Variants in IKZF3 observed in about 807,000 individuals in gnomAD.
IKZF3 encodes the protein IKAROS family zinc finger 3.
Under a neutral mutation model 49.0 loss-of-function variants are expected in IKZF3, and 10 were observed. That is an observed-to-expected ratio of 0.20 (90% confidence interval 0.13 to 0.35). The LOEUF (loss-of-function observed/expected upper bound fraction) is 0.35, where lower values mean the gene tolerates loss of function less well. Among genes scored for constraint, IKZF3 ranks in the 10% least tolerant of loss-of-function variants. IKZF3 has a pLI of 1.00. For synonymous variants in IKZF3, 209 were observed against 228.2 expected, an observed-to-expected ratio of 0.92 and a Z score of 0.76; for missense variants, 498 against 664.8, an observed-to-expected ratio of 0.75 and a Z score of 2.76.
intron 3 of IKZF3, among the ~76,000 whole-genome samples, chr17:39,796,704 C>T (rs2061172190): frequency 6.6e-6 from 1 of 151,264 alleles, no homozygotes; most frequent in Non-Finnish European, 1.5e-5. Context: ...CCACACCTGG[C>T]TATTTTTTTA....
chr17:39,844,698 C>T (rs905002269), intron 1 of IKZF3, among the ~76,000 whole-genome samples: 7 of 151,996 alleles, frequency 4.6e-5, no homozygotes, highest in Non-Finnish European at 2.9e-5. Context: ...TCTCGGTTCA[C>T]GGCAACCTCC....
Position 39,792,849 on chromosome 17 carries a change from G to A in IKZF3, c.248C>T (p.Pro83Leu), listed in dbSNP as rs867820833. The change falls in exon 4 of 8, where the codon CCT becomes CTT. Residue 83 changes from proline to leucine, a missense_variant. By Grantham distance (98) the Pro-to-Leu change is moderately conservative (BLOSUM62 -3). Around this residue, in one of 3 missense-constraint regions of IKZF3, gnomAD observed 97 missense variants for 98.9 expected, o/e 0.98. Transcript: ENST00000346872. ...KSEPMGNAEE[P>L]EIPYSYSREY... ...TCTTGAATAGCTGTAAGGGATTTCA[G>A]GCTCTTCTGCATTTCCCATGGGTTC... 6.2e-7 allele frequency: 1 copy of A among 1,613,930 alleles called. No homozygotes were observed. The highest frequency in any genetic ancestry group is 1.1e-5 in the South Asian group (1 of 91,070).
At chr17:39,835,421 C>A in intron 1 of IKZF3, 1 of 469,650 alleles carries the variant, frequency 2.1e-6, no homozygotes, top group Non-Finnish European at 4.2e-6. Context: ...TCCAGGGAAG[C>A]CCTCTGGCCT....
chr17:39,863,824 T>A (rs1050725447), intron 1 of IKZF3, among the ~76,000 whole-genome samples: 10 of 152,090 alleles, frequency 6.6e-5, no homozygotes, highest in African/African-American at 2.4e-4. Flanking sequence ...TTGCAGCCAT[T>A]TCAGGGACAC....
intron 7 of IKZF3, among the ~76,000 whole-genome samples, chr17:39,774,572 T>A (rs2060531220): frequency 6.6e-6 from 1 of 152,200 alleles, no homozygotes; most frequent in African/African-American, 2.4e-5. Flanking sequence ...TCACAAAGGT[T>A]GATTCAATTA....
At chr17:39,793,110 C>A (rs1190732115) in intron 3 of IKZF3, among the ~76,000 whole-genome samples, 177 bp from the exon 4 acceptor site, 1 of 152,176 alleles carries the variant, frequency 6.6e-6, no homozygotes, top group Non-Finnish European at 1.5e-5. Context: ...AAATTCAGAA[C>A]CACAGTCAGA....
At chr17:39,802,992 T>A (rs2061356711) in intron 3 of IKZF3, among the ~76,000 whole-genome samples, 1 of 152,194 alleles carries the variant, frequency 6.6e-6, no homozygotes, top group Non-Finnish European at 1.5e-5. Context: ...TTCATGGGCA[T>A]AATAATAAAA....
chr17:39,826,106 G>T (rs148312484), intron 3 of IKZF3, among the ~76,000 whole-genome samples: 12 of 152,234 alleles, frequency 7.9e-5, no homozygotes, highest in Non-Finnish European at 1.6e-4. Flanking sequence ...GCAGTGACAC[G>T]ATCAGGGTTC....
At chr17:39,845,007 T>C (rs2082045563) in intron 1 of IKZF3, among the ~76,000 whole-genome samples, 1 of 152,186 alleles carries the variant, frequency 6.6e-6, no homozygotes, top group Admixed American at 6.5e-5. Context: ...CTGCTCATGA[T>C]GGACACTGAA....
Position 39,850,815 on chromosome 17 carries a change from CATATATAATATGCTATATAGTATATATA to C in IKZF3, c.7+13277_7+13304del, listed in dbSNP as rs1277192451. On this transcript the variant is annotated intron_variant, in intron 1 of 7. Coordinates refer to ENST00000346872, the MANE Select transcript of IKZF3 (RefSeq NM_012481.5). ...TCTAATATGCTATATAGTATATATA[CATATATAATATGCTATATAGTATATATA>C]ATATATAATATGCTCTATAGTATAT... Among the ~76,000 whole-genome samples the C allele has an allele frequency of 6.2e-3, 620 of 100,752 alleles. 7 individuals are homozygous for C. The highest frequency in any genetic ancestry group is 0.02 in the African/African-American group (549 of 27,100). 66.1% of individuals were successfully genotyped at this position (100,752 alleles called of 152,430 possible). A position where few individuals can be genotyped will look rare whatever the true frequency, so the allele number is the denominator to read the frequency against.
chr17:39,774,136 C>T (rs1220379672), intron 7 of IKZF3, among the ~76,000 whole-genome samples: 6 of 152,100 alleles, frequency 3.9e-5, no homozygotes, highest in Admixed American at 1.3e-4. Flanking sequence ...ATCGCCAGCC[C>T]GCCTGAGATA....
At chr17:39,779,755 C>G (rs1314369747) in intron 6 of IKZF3, among the ~76,000 whole-genome samples, 1 of 151,634 alleles carries the variant, frequency 6.6e-6, no homozygotes, top group Non-Finnish European at 1.5e-5. Context: ...TTTGCCCTCA[C>G]CTGCCCTGGG....
At chr17:39,805,275 T>C (rs905466268) in intron 3 of IKZF3, among the ~76,000 whole-genome samples, 2 of 152,236 alleles carry the variant, frequency 1.3e-5, no homozygotes, top group Non-Finnish European at 1.5e-5. Context: ...TACTATTATT[T>C]GCTTCAAGTA....
chr17:39,792,890 C>A lies in IKZF3; in HGVS notation c.207G>T (p.Glu69Asp). The A allele has an allele frequency of 6.2e-6, 10 of 1,613,988 alleles. 2 individuals are homozygous for A. Among genetic ancestry groups the A allele is most frequent in the Non-Finnish European group, 6.8e-6 (8 of 1,179,918 alleles). ...CCATGGGTTCTGACTTTAAAACATT[C>A]TCATCTCTTTCACTGTATTCATCTT... is the stretch of plus-strand genomic sequence containing the variant. Reference protein sequence around the residue: ...KVKDEYSERDENVLKSEPMGN... With the variant: ...KVKDEYSERDDNVLKSEPMGN... The change falls in exon 4 of 8, where the codon GAG (glutamate) becomes GAT (aspartate). Residue 69 changes from glutamate to aspartate, a missense_variant. By Grantham distance (45) the Glu-to-Asp change is conservative. Coordinates refer to ENST00000346872, the MANE Select transcript of IKZF3 (RefSeq NM_012481.5).
intron 7 of IKZF3, among the ~76,000 whole-genome samples, chr17:39,770,195 A>G (rs1428362132): frequency 1.3e-5 from 2 of 152,286 alleles, no homozygotes; most frequent in South Asian, 2.1e-4. Context: ...TTAGTAACAC[A>G]CTCATAAAAA....
chr17:39,805,831 G>A (rs1164923352), intron 3 of IKZF3, among the ~76,000 whole-genome samples: 2 of 152,208 alleles, frequency 1.3e-5, no homozygotes, highest in African/African-American at 4.8e-5. Context: ...ATATTGTCTG[G>A]CAGAATAAAA....
intron 2 of IKZF3, 147 bp downstream of exon 2, chr17:39,831,951 T>C (rs1180890629): frequency 6.6e-6 from 4 of 602,950 alleles, no homozygotes; most frequent in Non-Finnish European, 1.2e-5. Context: ...GAGTTATTTT[T>C]TCATCAGCAA....
intron 1 of IKZF3, among the ~76,000 whole-genome samples, chr17:39,861,763 G>A (rs1462146453): frequency 6.6e-6 from 1 of 152,150 alleles, no homozygotes; most frequent in Non-Finnish European, 1.5e-5. Context: ...TATGTTTGGT[G>A]TAGGGGCATT....
At chr17:39,789,072 C>T (rs977156271) in intron 5 of IKZF3, among the ~76,000 whole-genome samples, 10 of 152,162 alleles carry the variant, frequency 6.6e-5, no homozygotes, top group African/African-American at 2.4e-4. Flanking sequence ...CCACCTTGGC[C>T]TCCCAAAGTG....
Sources: allele counts gnomAD v4.1 joint callset (sites outside exome capture counted in the v4.1 genomes callset), GRCh38; gene constraint gnomAD v4.1.1; regional missense constraint gnomAD v4.1.1; transcripts MANE v1.5; gene names NCBI Gene and HGNC (gene_info 2026-07-23, HGNC 2026-07-21).